Variants in C2orf80 observed in about 807,000 individuals in gnomAD.
C2orf80 encodes the protein uncharacterized protein C2orf80.
C2orf80 carries 28 observed loss-of-function variants against 30.2 expected under a neutral mutation model. The ratio of observed to expected loss-of-function variants is 0.93; its 90% CI spans 0.69 to 1.27. The LOEUF (loss-of-function observed/expected upper bound fraction) is 1.27. C2orf80 is among the 50% of genes most tolerant of loss of function. The probability of loss-of-function intolerance (pLI) is 0.00; values close to 1 mark genes in which losing one functional copy is unlikely to be tolerated. For missense variants in C2orf80, 220 were observed against 231.0 expected (o/e 0.95, Z 0.31); for synonymous variants, 80 against 76.4 (o/e 1.05, Z -0.24).
intron 1 of C2orf80, 74 bp downstream of exon 1, chr2:208,189,879 A>G (rs571194378): frequency 1.7e-5 from 12 of 699,098 alleles, no homozygotes; most frequent in East Asian, 1.1e-4. Context: ...CACACCTGCA[A>G]TCGTGGTACA....
intron 8 of C2orf80, among the ~76,000 whole-genome samples, chr2:208,167,616 G>A (rs750422788): frequency 1.4e-4 from 22 of 152,036 alleles, no homozygotes; most frequent in Non-Finnish European, 2.6e-4. Flanking sequence ...TCGCTCTGTT[G>A]CCCAGGCTGG....
At chr2:208,169,704 C>A (rs1164863713) in intron 8 of C2orf80, among the ~76,000 whole-genome samples, 1 of 62,258 alleles carries the variant, frequency 1.6e-5, no homozygotes. Context: ...CAGAGTGAGA[C>A]TCTGTCTCAA....
chr2:208,172,355 T>C (rs1487136037), intron 6 of C2orf80, among the ~76,000 whole-genome samples: 1 of 152,116 alleles, frequency 6.6e-6, no homozygotes, highest in Non-Finnish European at 1.5e-5. Context: ...TATAGCCATT[T>C]CCTCCTTTTC....
At chr2:208,176,188 T>C (rs576535155) in intron 6 of C2orf80, among the ~76,000 whole-genome samples, 2 of 152,198 alleles carry the variant, frequency 1.3e-5, no homozygotes, top group African/African-American at 4.8e-5. Flanking sequence ...AGACATTTTT[T>C]TTTTTGAGAC....
chr2:208,180,449 C>CAAAAAAA (rs59005854), intron 6 of C2orf80, among the ~76,000 whole-genome samples: 127 of 129,198 alleles, frequency 9.8e-4, no homozygotes, highest in African/African-American at 3.2e-3. Flanking sequence ...GACTCTGTCT[C>CAAAAAAA]AAAAAAAAAA....
intron 1 of C2orf80, among the ~76,000 whole-genome samples, chr2:208,189,600 G>A (rs1382722024): frequency 6.6e-6 from 1 of 152,240 alleles, no homozygotes; most frequent in African/African-American, 2.4e-5. Flanking sequence ...CTGGTCTAAA[G>A]AAGGCCATTT....
intron 1 of C2orf80, 48 bp from the exon 2 acceptor site, chr2:208,187,109 CA>C: frequency 1.2e-6 from 1 of 852,760 alleles, no homozygotes. Flanking sequence ...GCTATCACTC[CA>C]AATACCAGTC....
At chr2:208,189,130 T>C (rs536315017) in intron 1 of C2orf80, among the ~76,000 whole-genome samples, 152 of 152,356 alleles carry the variant, frequency 1.0e-3, no homozygotes, top group Admixed American at 9.9e-3. Context: ...GATTCAATAG[T>C]TTGGAAAAAC....
intron 8 of C2orf80, among the ~76,000 whole-genome samples, chr2:208,168,105 T>G (rs1168171034): frequency 6.6e-6 from 1 of 152,174 alleles, no homozygotes; most frequent in Non-Finnish European, 1.5e-5. Flanking sequence ...AAGCATGTTT[T>G]TCATCCATTT....
At chr2:208,177,772 T>C (rs2105904342) in intron 6 of C2orf80, among the ~76,000 whole-genome samples, 1 of 152,234 alleles carries the variant, frequency 6.6e-6, no homozygotes, top group South Asian at 2.1e-4. Flanking sequence ...GGTCCACTTC[T>C]ACATGGCCTG....
intron 7 of C2orf80, 91 bp downstream of exon 7, chr2:208,171,897 A>T: frequency 9.5e-7 from 1 of 1,055,624 alleles, no homozygotes; most frequent in Non-Finnish European, 1.5e-6. Flanking sequence ...TCTAATTCCC[A>T]TTACAATTTT....
rs146638420 is a variant in C2orf80 at position 208,188,318 on chromosome 2, G to A, written c.-75-1257C>T. On this transcript the variant is annotated intron_variant, in intron 1 of 8. Coordinates refer to ENST00000341287, the MANE Select transcript of C2orf80 (RefSeq NM_001099334.3). The stretch of plus-strand genomic sequence containing the variant: ...TGATTGGAAAACAAACTTTAGAAAC[G>A]GTTTTTTGAAAATGGTACCATATAA... Among the ~76,000 whole-genome samples the A allele has an allele frequency of 3.5e-3, 538 of 152,174 alleles. 3 individuals carry two copies. Among genetic ancestry groups the A allele is most frequent in the African/African-American group, 0.012 (513 of 41,512 alleles).
intron 6 of C2orf80, among the ~76,000 whole-genome samples, chr2:208,180,473 CAG>C (rs1387778048): frequency 6.6e-6 from 1 of 151,082 alleles, no homozygotes; most frequent in Non-Finnish European, 1.5e-5. Context: ...AAAACCACAA[CAG>C]AGTAAAGTTT....
Position 208,172,042 on chromosome 2 carries a change from G to T in C2orf80, c.400C>A (p.His134Asn), listed in dbSNP as rs1004338692. ...PRVSSLCLSL[H>N]PFAMLTAPKA... ...GGTGCTGTTAACATGGCAAAGGGGT[G>T]CAAGGAGAGGCAGAGAGATGAAACT... Residue 134 changes from histidine (H) to asparagine (N), a missense_variant, in exon 7 of 9, where the codon CAC (histidine) becomes AAC (asparagine). Transcript: ENST00000341287. 1 of 1,613,942 alleles carries T rather than the reference G, an allele frequency of 6.2e-7. No homozygotes were observed. Among genetic ancestry groups the T allele is most frequent in the Non-Finnish European group, 8.5e-7 (1 of 1,179,868 alleles).
chr2:208,187,773 C>A (rs970804758), intron 1 of C2orf80, among the ~76,000 whole-genome samples: 49 of 150,636 alleles, frequency 3.3e-4, no homozygotes, highest in Admixed American at 2.2e-3. Flanking sequence ...AACTTTATCC[C>A]GGATGTTTCT....
chr2:208,167,505 A>G (rs1695935561), intron 8 of C2orf80, among the ~76,000 whole-genome samples: 1 of 151,796 alleles, frequency 6.6e-6, no homozygotes, highest in South Asian at 2.1e-4. Context: ...CTGGGCAACA[A>G]AGCAAGACTC....
rs759358167 is a variant in C2orf80 at position 208,181,280 on chromosome 2, T to C, written c.232A>G (p.Ile78Val). Residue 78 changes from isoleucine to valine, a missense_variant, in exon 5 of 9, where the codon ATA becomes GTA. Physicochemically the swap from Ile to Val is conservative, Grantham distance 29. Coordinates refer to ENST00000341287, the MANE Select transcript of C2orf80 (RefSeq NM_001099334.3). ...TCTCGTTCTCTACGATTTGGATATA[T>C]GGGTCTGCCATGGAGTGGTATTTTC... ...ELKIPLHGRPIYPNRREREAM... is the reference protein window; with the variant it reads ...ELKIPLHGRPVYPNRREREAM... The C allele has an allele frequency of 6.2e-7, 1 of 1,610,538 alleles. No individual in the cohort carries two copies. The highest frequency in any genetic ancestry group is 8.5e-7 in the Non-Finnish European group (1 of 1,176,850).
intron 6 of C2orf80, among the ~76,000 whole-genome samples, chr2:208,176,980 G>GTATAC (rs1696363349): frequency 2.1e-4 from 2 of 9,372 alleles, no homozygotes; most frequent in African/African-American, 2.9e-4. Context: ...CATATATACA[G>GTATAC]AAATGTATAT....
intron 3 of C2orf80, 134 bp from the exon 4 acceptor site, chr2:208,183,181 T>A: frequency 1.7e-6 from 1 of 602,078 alleles, no homozygotes; most frequent in Non-Finnish European, 2.8e-6. Flanking sequence ...TCATTAGCTT[T>A]AATAACCTGA....
Sources: gnomAD v4.1 joint callset for allele counts (sites outside exome capture counted in the v4.1 genomes callset) on GRCh38, gnomAD v4.1.1 for gene constraint, MANE v1.5 for transcripts, NCBI Gene and HGNC (gene_info 2026-07-23, HGNC 2026-07-21) for gene names.